RALGPS1: variants seen among roughly 807,000 people sequenced by gnomAD.
RALGPS1 encodes the protein ras-specific guanine nucleotide-releasing factor RalGPS1.
In RALGPS1, 19 loss-of-function variants were observed where a neutral mutation model predicts 78.8. The ratio of observed to expected loss-of-function variants is 0.24; its 90% CI spans 0.17 to 0.35. The LOEUF (loss-of-function observed/expected upper bound fraction) is 0.35. Ranked by LOEUF, RALGPS1 falls within the 10% of genes least tolerant of loss-of-function variation. RALGPS1 has a pLI of 1.00. For synonymous variants in RALGPS1, 228 were observed against 256.3 expected, an observed-to-expected ratio of 0.89 and a Z score of 1.06; for missense variants, 454 against 688.3, an observed-to-expected ratio of 0.66 and a Z score of 3.81.
chr9:127,214,336 C>T (rs754002982), intron 17 of RALGPS1, among the ~76,000 whole-genome samples: 1 of 152,164 alleles, frequency 6.6e-6, no homozygotes, highest in Non-Finnish European at 1.5e-5. Flanking sequence ...CAAAATGTCA[C>T]TTATGCTCAT....
At chr9:126,932,266 C>G (rs117093921) in intron 1 of RALGPS1, among the ~76,000 whole-genome samples, 1 of 152,122 alleles carries the variant, frequency 6.6e-6, no homozygotes, top group Non-Finnish European at 1.5e-5. Flanking sequence ...GGTTGTGGAG[C>G]GATCAGCTTT....
intron 4 of RALGPS1, among the ~76,000 whole-genome samples, chr9:126,979,007 G>A (rs972639154): frequency 5.3e-5 from 8 of 152,284 alleles, no homozygotes; most frequent in African/African-American, 1.9e-4. Flanking sequence ...TGGGGAGATA[G>A]ATCAAAAAGT....
intron 8 of RALGPS1, among the ~76,000 whole-genome samples, chr9:127,116,747 C>T (rs545860355): frequency 6.6e-6 from 1 of 152,330 alleles, no homozygotes; most frequent in African/African-American, 2.4e-5. Context: ...GTTCCTCAAA[C>T]ACTGGGACAA....
chr9:127,174,659 G>T (rs944328215), intron 10 of RALGPS1, 56 bp from the exon 11 acceptor site: 57 of 1,516,192 alleles, frequency 3.8e-5, no homozygotes, highest in Admixed American at 6.7e-5. Context: ...GCCCCAAACA[G>T]GTTCCTGTGT....
At chr9:126,964,027 CAG>C (rs2039193135) in intron 2 of RALGPS1, among the ~76,000 whole-genome samples, 1 of 152,144 alleles carries the variant, frequency 6.6e-6, no homozygotes, top group Non-Finnish European at 1.5e-5. Flanking sequence ...AGGTTCTCCT[CAG>C]GGGAGAATGT....
intron 10 of RALGPS1, among the ~76,000 whole-genome samples, chr9:127,172,295 G>A (rs1446097403): frequency 6.6e-6 from 1 of 152,152 alleles, no homozygotes; most frequent in Non-Finnish European, 1.5e-5. Flanking sequence ...TGGGCTTTGG[G>A]TGTTGCTGTA....
intron 2 of RALGPS1, among the ~76,000 whole-genome samples, chr9:126,964,485 G>A (rs1315841154): frequency 2.0e-5 from 3 of 151,686 alleles, no homozygotes; most frequent in South Asian, 2.1e-4. Context: ...TATATAACCC[G>A]TACTATAGCC....
intron 5 of RALGPS1, among the ~76,000 whole-genome samples, chr9:127,037,582 A>G (rs1184674971): frequency 1.3e-5 from 2 of 152,268 alleles, no homozygotes; most frequent in Non-Finnish European, 2.9e-5. Flanking sequence ...CAGTGGGGAC[A>G]GTACCATCTG....
intron 4 of RALGPS1, among the ~76,000 whole-genome samples, chr9:127,018,446 G>C (rs1179060769): frequency 6.6e-6 from 1 of 151,830 alleles, no homozygotes; most frequent in Non-Finnish European, 1.5e-5. Context: ...CCAGCCTGCC[G>C]AACACGGTGA....
At position 126,983,295 on chromosome 9, in the gene RALGPS1, T is replaced by C. The variant is rs567047162; in HGVS notation, c.216+5550T>C. On this transcript the variant is annotated intron_variant, in intron 4 of 18. Coordinates refer to ENST00000259351, the MANE Select transcript of RALGPS1 (RefSeq NM_014636.3). ...TTTTGAATAGATATGTGTATGCACA[T>C]ACTGGGTTTATATAGGAAGAGTGGT... Among the ~76,000 whole-genome samples, 8 of 152,320 alleles carry C rather than the reference T, an allele frequency of 5.3e-5. No individual in the cohort carries two copies. The South Asian group carries it at 1.2e-3, about 24-fold the overall frequency.
At chr9:126,980,211 T>C (rs1253786565) in intron 4 of RALGPS1, among the ~76,000 whole-genome samples, 1 of 152,234 alleles carries the variant, frequency 6.6e-6, no homozygotes, top group Non-Finnish European at 1.5e-5. Context: ...GCCTGCCATG[T>C]TGTGGCTGGA....
chr9:127,092,154 T>G (rs989930623), intron 8 of RALGPS1, among the ~76,000 whole-genome samples: 1 of 152,238 alleles, frequency 6.6e-6, no homozygotes, highest in Non-Finnish European at 1.5e-5. Context: ...CCAGGCATCA[T>G]GTGAACCCCA....
chr9:127,050,037 CTACAG>C lies in RALGPS1; in HGVS notation c.301-5_301-1del. ...TGTGTGTATGTGTGTGTATTTGACT[CTACAG>C]GTCAGTTTTTGGGTTGTACGAGAAA... On this transcript the variant is annotated splice_acceptor_variant and splice_polypyrimidine_tract_variant and intron_variant, in intron 5 of 18. Transcript: ENST00000259351. LOFTEE classifies it high-confidence loss of function. 1 of 1,608,330 alleles carries C rather than the reference CTACAG, an allele frequency of 6.2e-7. No individual in the cohort carries two copies. The highest frequency in any genetic ancestry group is 8.5e-7 in the Non-Finnish European group (1 of 1,174,742).
chr9:127,107,927 C>G, intron 8 of RALGPS1: 1 of 1,531,832 alleles, frequency 6.5e-7, no homozygotes. Flanking sequence ...GACGGCTTGT[C>G]GGTGGAAGAT....
At chr9:127,078,211 T>G (rs2050849292) in intron 8 of RALGPS1, among the ~76,000 whole-genome samples, 1 of 152,226 alleles carries the variant, frequency 6.6e-6, no homozygotes, top group Non-Finnish European at 1.5e-5. Flanking sequence ...TCCATGATTT[T>G]GAAGAGTGGT....
intron 8 of RALGPS1, among the ~76,000 whole-genome samples, chr9:127,143,194 G>A (rs772870935): frequency 5.3e-5 from 8 of 152,074 alleles, no homozygotes; most frequent in Non-Finnish European, 1.0e-4. Context: ...CCTTCTTTTA[G>A]AATTATTTCC....
chr9:127,194,429 T>TG (rs1444712213), intron 11 of RALGPS1, among the ~76,000 whole-genome samples: 1 of 152,126 alleles, frequency 6.6e-6, no homozygotes, highest in East Asian at 1.9e-4. Flanking sequence ...CACTTTTTTT[T>TG]GGGGACGGAG....
At chr9:127,104,338 C>G (rs993463040) in intron 8 of RALGPS1, among the ~76,000 whole-genome samples, 1 of 152,206 alleles carries the variant, frequency 6.6e-6, no homozygotes, top group Non-Finnish European at 1.5e-5. Flanking sequence ...GTGGCTCTGC[C>G]TTGGGTGGCC....
intron 3 of RALGPS1, among the ~76,000 whole-genome samples, chr9:126,969,269 C>T (rs2039858974): frequency 6.6e-6 from 1 of 152,208 alleles, no homozygotes; most frequent in African/African-American, 2.4e-5. Context: ...CACTATGTTG[C>T]CCAGGCTAGA....
Sources: gnomAD v4.1 joint callset for allele counts (sites outside exome capture counted in the v4.1 genomes callset) on GRCh38, gnomAD v4.1.1 for gene constraint, MANE v1.5 for transcripts, NCBI Gene and HGNC (gene_info 2026-07-23, HGNC 2026-07-21) for gene names.